Variants in R3HCC1L observed in about 807,000 individuals in gnomAD.
The protein encoded by R3HCC1L is coiled-coil domain-containing protein R3HCC1L.
R3HCC1L carries 51 observed loss-of-function variants against 59.9 expected under a neutral mutation model. The ratio of observed to expected loss-of-function variants is 0.85; its 90% confidence interval spans 0.68 to 1.07. The LOEUF is 1.07. R3HCC1L is among the 50% of genes least tolerant of loss of function. R3HCC1L has a pLI of 0.00. For missense variants in R3HCC1L, 965 were observed against 933.0 expected (o/e 1.03, Z -0.45); for synonymous variants, 322 against 315.2 (o/e 1.02, Z -0.23).
intron 1 of R3HCC1L, among the ~76,000 whole-genome samples, chr10:98,135,146 C>T (rs1429454435): frequency 2.0e-5 from 3 of 152,240 alleles, no homozygotes; most frequent in Admixed American, 6.5e-5. Flanking sequence ...TGCCCGGGAG[C>T]CCCGGGCTAC....
At position 98,209,330 on chromosome 10, in the gene R3HCC1L, T is replaced by A; in HGVS notation, c.1216T>A (p.Ser406Thr). The change falls in exon 5 of 10, where the codon TCT becomes ACT. Residue 406 changes from serine to threonine, a missense_variant. Coordinates refer to ENST00000298999, the MANE Select transcript of R3HCC1L (RefSeq NM_001351015.2). ...VVAVRIADET[S>T]INTRSFSKFV... ...TGCAGTTAGAATAGCTGATGAGACCTCTATTAATACACGAAGTTTCTCAAA... is the reference window on the plus strand; with the variant it reads ...TGCAGTTAGAATAGCTGATGAGACCACTATTAATACACGAAGTTTCTCAAA... The A allele has an allele frequency of 6.2e-7, 1 of 1,614,008 alleles. No homozygotes were observed. The highest frequency in any genetic ancestry group is 8.5e-7 in the Non-Finnish European group (1 of 1,179,956).
At position 98,202,116 on chromosome 10, in the gene R3HCC1L, A is replaced by G. The variant is rs577162685; in HGVS notation, c.-14-5985A>G. 2.6e-5 allele frequency among the ~76,000 whole-genome samples: 4 copies of G among 152,296 alleles called. No individual in the cohort carries two copies. In the South Asian group the frequency reaches 8.3e-4, roughly 32 times the overall value. On this transcript the variant is annotated intron_variant, in intron 4 of 9. Coordinates refer to ENST00000298999, the MANE Select transcript of R3HCC1L (RefSeq NM_001351015.2). ...ATCTTAGCGTCTCTAGTGAGCTAAG[A>G]TAAATGATTTACTTTTGCTTTCAGA... is the stretch of plus-strand genomic sequence containing the variant.
rs758679632 is a variant in R3HCC1L at position 98,208,433 on chromosome 10, A to G, written c.319A>G (p.Lys107Glu). ...TCAAAAAACAAATAGAGTTTGTTCT[A>G]AGAGAGGAACCACTGAATCCAAAGA... The part of the protein sequence containing the change: ...CLQKTNRVCS[K>E]RGTTESKEVL... The change falls in exon 5 of 10, where the codon AAG becomes GAG. Residue 107 changes from lysine to glutamate, a missense_variant. Physicochemically the swap from Lys to Glu is moderately conservative, Grantham distance 56 (BLOSUM62 1). Coordinates refer to ENST00000298999, the MANE Select transcript of R3HCC1L (RefSeq NM_001351015.2). 1.2e-6 allele frequency: 2 copies of G among 1,614,120 alleles called. No homozygotes were observed. Among genetic ancestry groups the G allele is most frequent in the Non-Finnish European group, 1.7e-6 (2 of 1,180,016 alleles).
At chr10:98,195,112 C>T (rs1851281571) in intron 4 of R3HCC1L, among the ~76,000 whole-genome samples, 1 of 152,076 alleles carries the variant, frequency 6.6e-6, no homozygotes, top group South Asian at 2.1e-4. Flanking sequence ...ATGGCATGTA[C>T]CTACAACAGA....
intron 5 of R3HCC1L, 121 bp from the exon 6 acceptor site, chr10:98,231,391 G>A: frequency 2.2e-6 from 2 of 911,612 alleles, no homozygotes; most frequent in Non-Finnish European, 3.3e-6. Flanking sequence ...CAGAGACTAT[G>A]CCAAAGGTTG....
At chr10:98,172,149 T>C (rs1848578294) in intron 4 of R3HCC1L, among the ~76,000 whole-genome samples, 1 of 152,212 alleles carries the variant, frequency 6.6e-6, no homozygotes, top group Non-Finnish European at 1.5e-5. Context: ...TGACAAACTC[T>C]AGGTTGTTTG....
intron 4 of R3HCC1L, chr10:98,186,626 A>G (rs1029553791): frequency 1.9e-5 from 11 of 586,604 alleles, no homozygotes; most frequent in South Asian, 1.5e-4. Context: ...GTGGGTGCCA[A>G]TAATGTTTTT....
intron 4 of R3HCC1L, among the ~76,000 whole-genome samples, chr10:98,203,956 A>G (rs187194425): frequency 2.4e-4 from 37 of 152,310 alleles, no homozygotes; most frequent in African/African-American, 8.9e-4. Context: ...TCCCCTTTAG[A>G]AAGTGTGATT....
chr10:98,186,185 C>A (rs571253163), intron 4 of R3HCC1L, among the ~76,000 whole-genome samples: 1 of 151,822 alleles, frequency 6.6e-6, no homozygotes, highest in African/African-American at 2.4e-5. Context: ...TCATTGAGGC[C>A]GTGGAGGTAA....
chr10:98,186,887 G>A (rs568322723), intron 4 of R3HCC1L, among the ~76,000 whole-genome samples: 274 of 152,186 alleles, frequency 1.8e-3, no homozygotes, highest in Admixed American at 3.0e-3. Flanking sequence ...AGAGTTGTGA[G>A]TAGCTAAATA....
In R3HCC1L at chr10:98,209,571, T is replaced by A. The variant is rs200789402; in HGVS notation, c.1457T>A (p.Phe486Tyr). Residue 486 changes from phenylalanine (F) to tyrosine (Y), a missense_variant, in exon 5 of 10, where the codon TTT becomes TAT. Phe to Tyr is a conservative substitution (Grantham distance 22, BLOSUM62 3). Coordinates refer to ENST00000298999, the MANE Select transcript of R3HCC1L (RefSeq NM_001351015.2). ...ATTGCTGGTAGTAATTATAACACTT[T>A]TTTGGACTCTGAACTCAGTATGTTA... is the stretch of plus-strand genomic sequence containing the variant. ...KKIAGSNYNTFLDSELSMLNG... is the reference protein window; with the variant it reads ...KKIAGSNYNTYLDSELSMLNG... 2.5e-6 allele frequency: 4 copies of A among 1,614,000 alleles called. No homozygotes were observed. The highest frequency in any genetic ancestry group is 1.7e-5 in the Admixed American group (1 of 59,998).
At position 98,208,573 on chromosome 10, in the gene R3HCC1L, G is replaced by A. The variant is rs555948031; in HGVS notation, c.459G>A (p.Thr153=). 4.9e-5 allele frequency: 79 copies of A among 1,614,052 alleles called. 2 individuals are homozygous for A. In the South Asian group the frequency reaches 7.5e-4, roughly 15 times the overall value. ...TGGAGTGTTTGGAAGTTGAAACTACGGATGTGACAGGACATGAGAGGATAC... is the reference window on the plus strand; with the variant it reads ...TGGAGTGTTTGGAAGTTGAAACTACAGATGTGACAGGACATGAGAGGATAC... ...KKVECLEVET[T]DVTGHERILL... is the part of the protein sequence containing the mutation. Residue 153 remains threonine, a synonymous_variant, in exon 5 of 10, where the codon ACG becomes ACA. Coordinates refer to ENST00000298999, the MANE Select transcript of R3HCC1L (RefSeq NM_001351015.2).
intron 5 of R3HCC1L, among the ~76,000 whole-genome samples, chr10:98,221,436 A>G (rs868478434): frequency 6.6e-6 from 1 of 150,638 alleles, no homozygotes; most frequent in Admixed American, 6.6e-5. Flanking sequence ...TTGGTGTTTT[A>G]GACATGAAGT....
intron 4 of R3HCC1L, among the ~76,000 whole-genome samples, chr10:98,206,000 A>G (rs1389111533): frequency 3.3e-5 from 5 of 152,168 alleles, no homozygotes; most frequent in East Asian, 1.9e-4. Context: ...ATTTCTAACA[A>G]TTGGTTCTGG....
intron 4 of R3HCC1L, among the ~76,000 whole-genome samples, chr10:98,198,547 A>AG (rs1388279013): frequency 9.2e-6 from 1 of 108,786 alleles, no homozygotes; most frequent in Non-Finnish European, 2.2e-5. Flanking sequence ...CTTCGTTTTC[A>AG]GGAAAAAAAA....
chr10:98,151,568 T>A (rs905177841), intron 1 of R3HCC1L, among the ~76,000 whole-genome samples: 4 of 152,230 alleles, frequency 2.6e-5, no homozygotes, highest in Admixed American at 2.6e-4. Flanking sequence ...TATATAATTA[T>A]GTCGCATGCT....
At chr10:98,143,947 C>T (rs10786395) in intron 1 of R3HCC1L, among the ~76,000 whole-genome samples, 97,744 of 151,944 alleles carry the variant, frequency 0.64, 31,450 homozygotes, top group South Asian at 0.67. Context: ...TGTCTATTAC[C>T]GTAGCACACA....
At chr10:98,157,843 T>C (rs1847031711) in intron 2 of R3HCC1L, among the ~76,000 whole-genome samples, 1 of 152,246 alleles carries the variant, frequency 6.6e-6, no homozygotes, top group Non-Finnish European at 1.5e-5. Flanking sequence ...CTGGATATTC[T>C]TATGTGAAAT....
At chr10:98,163,801 GA>G (rs1218804592) in intron 4 of R3HCC1L, among the ~76,000 whole-genome samples, 2 of 152,122 alleles carry the variant, frequency 1.3e-5, no homozygotes, top group African/African-American at 4.8e-5. Flanking sequence ...ACTGATTCAG[GA>G]AGAATAGATG....
Sources: gnomAD v4.1 joint callset for allele counts (sites outside exome capture counted in the v4.1 genomes callset) on GRCh38, gnomAD v4.1.1 for gene constraint, MANE v1.5 for transcripts, NCBI Gene and HGNC (gene_info 2026-07-23, HGNC 2026-07-21) for gene names.